The following ZBTB7A variants were observed in gnomAD, a reference collection of about 807,000 sequenced individuals.
ZBTB7A encodes the protein zinc finger and BTB domain containing 7A, also known as zinc finger and BTB domain-containing protein 7A.
Under a neutral mutation model 26.7 loss-of-function variants are expected in ZBTB7A, and 7 were observed. That is an observed-to-expected ratio of 0.26 (90% CI 0.15 to 0.49). ZBTB7A has a LOEUF of 0.49. ZBTB7A is among the 20% of genes least tolerant of loss of function. ZBTB7A has a pLI of 0.98. For missense variants in ZBTB7A, 617 were observed against 919.5 expected (o/e 0.67, Z 4.25); for synonymous variants, 452 against 441.0 (o/e 1.02, Z -0.31).
rs577773762 is a variant in ZBTB7A at position 4,048,944 on chromosome 19, C to T, written c.1263-700G>A. Among the ~76,000 whole-genome samples the T allele has an allele frequency of 1.9e-4, 28 of 148,722 alleles. No individual in the cohort carries two copies. The highest frequency in any genetic ancestry group is 3.4e-4 in the Admixed American group (5 of 14,850). On this transcript the variant is annotated intron_variant, in intron 2 of 2. Transcript: ENST00000322357. The surrounding 1 kb of genome is among the most constrained non-coding windows in gnomAD (Gnocchi z 6.7). ...AGTGAGCCCAGATCACGCCACTGCC[C>T]TCCAACCTCGGTGACAGAATGAGAC...
intron 1 of ZBTB7A, among the ~76,000 whole-genome samples, chr19:4,057,450 G>C (rs1009573376): frequency 1.3e-5 from 2 of 152,172 alleles, no homozygotes; most frequent in Non-Finnish European, 2.9e-5. Flanking sequence ...ATCTGAGCAC[G>C]GGCTTCGGCC....
intron 1 of ZBTB7A, chr19:4,061,580 C>T (rs1010169071): frequency 6.6e-6 from 1 of 152,390 alleles, no homozygotes; most frequent in Non-Finnish European, 1.5e-5. Flanking sequence ...CCGCAGGCCT[C>T]CCTCTGGGCC....
At chr19:4,064,229 A>G (rs924832803) in intron 1 of ZBTB7A, among the ~76,000 whole-genome samples, 2 of 152,170 alleles carry the variant, frequency 1.3e-5, no homozygotes, top group Non-Finnish European at 2.9e-5. Context: ...ACTGAATAAT[A>G]AATACCCCCC....
chr19:4,064,770 A>C (rs1483326226), intron 1 of ZBTB7A, among the ~76,000 whole-genome samples: 1 of 152,020 alleles, frequency 6.6e-6, no homozygotes, highest in Non-Finnish European at 1.5e-5. Context: ...TGGCAGGGGC[A>C]CCAGCACCTC....
chr19:4,049,212 A>ATATATATATATATATATATATATAT lies in ZBTB7A; in HGVS notation c.1263-969_1263-968insATATATATATATATATATATATATA, dbSNP rs1396362012. ...TATATATATATATATATATATATGTAAGTTTGAGAGATGGGGGTTGAGCTA... is the reference window on the plus strand; with the variant it reads ...TATATATATATATATATATATATGTATATATATATATATATATATATATATAGTTTGAGAGATGGGGGTTGAGCTA... On this transcript the variant is annotated intron_variant, in intron 2 of 2. Transcript: ENST00000322357. Among the ~76,000 whole-genome samples the ATATATATATATATATATATATATAT allele has an allele frequency of 8.6e-5, 2 of 23,298 alleles. 1 individual carries two copies. Among genetic ancestry groups the ATATATATATATATATATATATATAT allele is most frequent in the Non-Finnish European group, 3.5e-4 (2 of 5,694 alleles). 15.3% of individuals were successfully genotyped at this position (23,298 alleles called of 152,430 possible).
rs1410542725 is a variant in ZBTB7A, at chr19:4,046,214, T to G, written c.*1538A>C. On this transcript the variant is annotated 3_prime_UTR_variant, in exon 3 of 3. Coordinates refer to ENST00000322357, the MANE Select transcript of ZBTB7A (RefSeq NM_015898.4). The stretch of plus-strand genomic sequence containing the variant: ...GCACGAACACCCCACAGTCCTGCCT[T>G]CGAGGCTGACGTCTGGGGGTGAAGC... 16 of 396,908 alleles carry G rather than the reference T, an allele frequency of 4.0e-5. No homozygotes were observed. Among genetic ancestry groups the G allele is most frequent in the Non-Finnish European group, 7.1e-5 (16 of 225,412 alleles). The allele number at this position is 396,908 out of a possible 1,614,324, so 24.6% of individuals were successfully genotyped here.
Position 4,050,578 on chromosome 19 carries a change from C to T in ZBTB7A, c.1263-2334G>A, listed in dbSNP as rs1007126487. Among the ~76,000 whole-genome samples the T allele has an allele frequency of 5.9e-5, 9 of 152,292 alleles. No individual in the cohort carries two copies. In the East Asian group the frequency reaches 1.5e-3, roughly 26 times the overall value. ...CTGTGGCCTAGGTGGCTCCTGAACC[C>T]TTGGAATGTGGCCACTCTGAACTGA... On this transcript the variant is annotated intron_variant, in intron 2 of 2. Transcript: ENST00000322357.
chr19:4,050,928 G>A (rs1010683126), intron 2 of ZBTB7A, among the ~76,000 whole-genome samples: 1 of 151,526 alleles, frequency 6.6e-6, no homozygotes, highest in Non-Finnish European at 1.5e-5. Context: ...GTGAAACCCC[G>A]TCTCTACTAA....
chr19:4,058,562 C>G (rs563520465), intron 1 of ZBTB7A, among the ~76,000 whole-genome samples: 10 of 152,344 alleles, frequency 6.6e-5, no homozygotes, highest in African/African-American at 2.4e-4. Flanking sequence ...CCGAGTCACC[C>G]AGCACAGCTC....
chr19:4,058,554 G>C (rs543219003), intron 1 of ZBTB7A, among the ~76,000 whole-genome samples: 1 of 151,984 alleles, frequency 6.6e-6, no homozygotes, highest in Non-Finnish European at 1.5e-5. Context: ...TGGCGGCCCC[G>C]AGTCACCCAG....
chr19:4,063,137 C>T lies in ZBTB7A; in HGVS notation c.-16+3545G>A, dbSNP rs2040656627. Among the ~76,000 whole-genome samples the T allele has an allele frequency of 2.0e-5, 3 of 152,290 alleles. No individual in the cohort carries two copies. The South Asian group carries it at 6.2e-4, about 32-fold the overall frequency. On this transcript the variant is annotated intron_variant, in intron 1 of 2. Transcript: ENST00000322357. ...ACGCAGTTCTGACCCACACCCCACA[C>T]TCAGGTCTCTGCCATGCCCTGAGCT...
Position 4,046,031 on chromosome 19 carries a change from T to A in ZBTB7A, c.*1721A>T, listed in dbSNP as rs1158727282. 5 of 398,328 alleles carry A rather than the reference T, an allele frequency of 1.3e-5. No homozygotes were observed. The allele number at this position is 398,328 out of a possible 1,614,324, so 24.7% of individuals were successfully genotyped here. A position where few individuals can be genotyped will look rare whatever the true frequency, so the allele number is the denominator to read the frequency against. ...CGGGAGGGACAGGCGTGTTGGGGGATTGGGGGGTGCCGGATGGGGATCGGG... is the reference window on the plus strand; with the variant it reads ...CGGGAGGGACAGGCGTGTTGGGGGAATGGGGGGTGCCGGATGGGGATCGGG... On this transcript the variant is annotated 3_prime_UTR_variant, in exon 3 of 3. Coordinates refer to ENST00000322357, the MANE Select transcript of ZBTB7A (RefSeq NM_015898.4).
chr19:4,057,037 A>G (rs2040587310), intron 1 of ZBTB7A, among the ~76,000 whole-genome samples: 1 of 146,022 alleles, frequency 6.8e-6, no homozygotes, highest in Admixed American at 6.8e-5. Flanking sequence ...AAAAAAAAAA[A>G]AAAAGAAAAA....
chr19:4,053,897 G>T, intron 2 of ZBTB7A, 74 bp downstream of exon 2: 1 of 1,479,918 alleles, frequency 6.8e-7, no homozygotes, highest in Non-Finnish European at 9.0e-7. Context: ...CAGGGAGAGA[G>T]GCGGGAGGGG....
intron 1 of ZBTB7A, chr19:4,055,562 C>G: frequency 2.5e-6 from 2 of 803,922 alleles, no homozygotes; most frequent in Non-Finnish European, 3.0e-6. Flanking sequence ...GTGGCTCACG[C>G]CTGTAATCCC....
chr19:4,056,665 C>T (rs888545826), intron 1 of ZBTB7A, among the ~76,000 whole-genome samples: 1 of 151,930 alleles, frequency 6.6e-6, no homozygotes, highest in African/African-American at 2.4e-5. Context: ...GTCAGGAGAT[C>T]GAGACCATCC....
chr19:4,061,318 C>T (rs1300989116), intron 1 of ZBTB7A, among the ~76,000 whole-genome samples: 1 of 152,200 alleles, frequency 6.6e-6, no homozygotes. Flanking sequence ...CCCAAGGTCA[C>T]ACTGTAAGCC....
chr19:4,049,848 A>C (rs866525789), intron 2 of ZBTB7A, among the ~76,000 whole-genome samples: 1 of 151,922 alleles, frequency 6.6e-6, no homozygotes, highest in Non-Finnish European at 1.5e-5. Flanking sequence ...CTGGATCTTC[A>C]CAGTCAAATT....
chr19:4,051,087 G>C (rs2040499751), intron 2 of ZBTB7A, among the ~76,000 whole-genome samples: 1 of 94,332 alleles, frequency 1.1e-5, no homozygotes, highest in Non-Finnish European at 1.8e-5. Context: ...GACAGAGCAA[G>C]ACTCGTCTCA....
Sources: allele counts gnomAD v4.1 joint callset (sites outside exome capture counted in the v4.1 genomes callset), GRCh38; gene constraint gnomAD v4.1.1; non-coding constraint Gnocchi (gnomAD v3.1); transcripts MANE v1.5; gene names NCBI Gene and HGNC (gene_info 2026-07-23, HGNC 2026-07-21).